COL23A1: variants seen among roughly 807,000 people sequenced by gnomAD.
COL23A1 encodes the protein collagen type XXIII alpha 1 chain, also known as collagen alpha-1(XXIII) chain.
Under a neutral mutation model 99.3 loss-of-function variants are expected in COL23A1, and 97 were observed. The ratio of observed to expected loss-of-function variants is 0.98; its 90% CI spans 0.83 to 1.16. The LOEUF (loss-of-function observed/expected upper bound fraction) is 1.16. Ranked by LOEUF, COL23A1 falls within the 50% of genes most tolerant of loss-of-function variation. COL23A1 has a pLI of 0.00. For synonymous variants in COL23A1, 320 were observed against 308.2 expected (o/e 1.04, Z -0.40); for missense variants, 762 against 757.4 (o/e 1.01, Z -0.07).
chr5:178,358,232 A>ATG (rs1276901748), intron 2 of COL23A1, among the ~76,000 whole-genome samples: 2 of 77,588 alleles, frequency 2.6e-5, no homozygotes, highest in South Asian at 6.7e-4. Context: ...TAATGTGTGT[A>ATG]TGTGTGTATG....
chr5:178,511,727 C>G (rs756985410), intron 2 of COL23A1, among the ~76,000 whole-genome samples: 29 of 152,170 alleles, frequency 1.9e-4, no homozygotes, highest in Non-Finnish European at 4.0e-4. Flanking sequence ...ACAGGACCCC[C>G]AAGCAGCTCC....
chr5:178,349,470 G>T (rs1201374718), intron 2 of COL23A1, among the ~76,000 whole-genome samples: 2 of 148,956 alleles, frequency 1.3e-5, no homozygotes, highest in Admixed American at 1.3e-4. Flanking sequence ...AAAGTGGCTG[G>T]TCCCCTCCGG....
intron 2 of COL23A1, among the ~76,000 whole-genome samples, chr5:178,525,859 G>A (rs1464408808): frequency 3.3e-5 from 5 of 152,380 alleles, no homozygotes; most frequent in East Asian, 1.9e-4. Flanking sequence ...GGCAAAGCAC[G>A]GCCTAGGCCA....
At position 178,585,527 on chromosome 5, in the gene COL23A1, A is replaced by G. The variant is rs76995460; in HGVS notation, c.294+4377T>C. 8.9e-3 allele frequency among the ~76,000 whole-genome samples: 349 copies of G among 39,096 alleles called. 8 individuals carry two copies. The highest frequency in any genetic ancestry group is 0.031 in the Middle Eastern group (4 of 128). 25.6% of individuals were successfully genotyped at this position (39,096 alleles called of 152,430 possible). On this transcript the variant is annotated intron_variant, in intron 1 of 28. Transcript: ENST00000390654. ...GAGTAACACTCCACGTCCCTGGATG[A>G]CGCTGGAGTAACACTCCACAGCCCT...
chr5:178,329,735 G>A (rs929969041), intron 2 of COL23A1, among the ~76,000 whole-genome samples: 7 of 152,152 alleles, frequency 4.6e-5, no homozygotes, highest in East Asian at 1.9e-4. Context: ...TCAGGAGTGC[G>A]AGACCAGCCT....
At chr5:178,374,726 G>A (rs903745770) in intron 2 of COL23A1, among the ~76,000 whole-genome samples, 1 of 152,198 alleles carries the variant, frequency 6.6e-6, no homozygotes, top group African/African-American at 2.4e-5. Context: ...AATAACAGGT[G>A]TTGGTGCAAC....
At chr5:178,440,774 C>T (rs1391452405) in intron 2 of COL23A1, among the ~76,000 whole-genome samples, 1 of 151,954 alleles carries the variant, frequency 6.6e-6, no homozygotes, top group Non-Finnish European at 1.5e-5. Context: ...CGCCACCATG[C>T]CCAGCTAATT....
chr5:178,574,597 G>A (rs1242700127), intron 1 of COL23A1, among the ~76,000 whole-genome samples: 1 of 152,122 alleles, frequency 6.6e-6, no homozygotes, highest in African/African-American at 2.4e-5. Context: ...CTCCTTGCAG[G>A]GAGACATTCA....
At chr5:178,257,386 C>T in intron 13 of COL23A1, 137 bp downstream of exon 13, 1 of 1,024,210 alleles carries the variant, frequency 9.8e-7, no homozygotes, top group Non-Finnish European at 1.5e-6. Context: ...CGGCCTTCCT[C>T]TGCCTCTCTC....
intron 2 of COL23A1, among the ~76,000 whole-genome samples, chr5:178,376,857 A>G (rs1291191446): frequency 6.6e-6 from 1 of 152,250 alleles, no homozygotes; most frequent in Non-Finnish European, 1.5e-5. Context: ...GCTTAGCAGG[A>G]CAGGAGTGAA....
At chr5:178,331,588 G>A (rs1425058397) in intron 2 of COL23A1, among the ~76,000 whole-genome samples, 2 of 152,234 alleles carry the variant, frequency 1.3e-5, no homozygotes, top group African/African-American at 4.8e-5. Context: ...CAGGGAGGGC[G>A]AGGCTCTGAG....
chr5:178,242,935 GC>G (rs1764486498), intron 25 of COL23A1, among the ~76,000 whole-genome samples: 1 of 152,192 alleles, frequency 6.6e-6, no homozygotes, highest in African/African-American at 2.4e-5. Flanking sequence ...GGTGGCTCAT[GC>G]CTGTAATCCC....
chr5:178,400,240 G>A (rs1035855753), intron 2 of COL23A1, among the ~76,000 whole-genome samples: 1 of 151,814 alleles, frequency 6.6e-6, no homozygotes, highest in East Asian at 1.9e-4. Context: ...GGTGGCGGGC[G>A]CCTGTAGCCA....
In COL23A1 at chr5:178,415,959, C is replaced by A. The variant is rs1442713960; in HGVS notation, c.362-109040G>T. Among the ~76,000 whole-genome samples, 1 of 151,988 alleles carries A rather than the reference C, an allele frequency of 6.6e-6. No homozygotes were observed. Among genetic ancestry groups the A allele is most frequent in the Admixed American group, 6.6e-5 (1 of 15,258 alleles). The stretch of plus-strand genomic sequence containing the variant: ...TTCAGGAGGTGAAGTCAGAGCTGGG[C>A]CCTGAAGGATGGGACCAGGGAGGGC... On this transcript the variant is annotated intron_variant, in intron 2 of 28. Coordinates refer to ENST00000390654, the MANE Select transcript of COL23A1 (RefSeq NM_173465.4). The surrounding 1 kb of genome is among the most constrained non-coding windows in gnomAD (Gnocchi z 4.6).
intron 2 of COL23A1, among the ~76,000 whole-genome samples, chr5:178,506,902 C>A (rs910549103): frequency 1.7e-4 from 26 of 152,182 alleles, no homozygotes; most frequent in African/African-American, 6.3e-4. Flanking sequence ...TCACTTGAAA[C>A]AATTCTCTGT....
At chr5:178,405,611 T>A (rs1053633209) in intron 2 of COL23A1, among the ~76,000 whole-genome samples, 4 of 152,068 alleles carry the variant, frequency 2.6e-5, no homozygotes, top group Admixed American at 6.6e-5. Flanking sequence ...CCCATTAAAG[T>A]CAGGAACAAC....
chr5:178,515,611 C>A (rs951391932), intron 2 of COL23A1, among the ~76,000 whole-genome samples: 53 of 152,134 alleles, frequency 3.5e-4, no homozygotes, highest in African/African-American at 1.2e-3. Context: ...GGCCTTTGGG[C>A]AACCTTCTCA....
intron 2 of COL23A1, among the ~76,000 whole-genome samples, chr5:178,358,644 GTGTA>G (rs1162277198): frequency 3.4e-5 from 5 of 146,750 alleles, no homozygotes; most frequent in Admixed American, 2.0e-4. Flanking sequence ...TAGTGTGTGT[GTGTA>G]TGTGTACGTG....
intron 2 of COL23A1, among the ~76,000 whole-genome samples, chr5:178,373,376 G>A (rs915367366): frequency 2.6e-5 from 4 of 152,132 alleles, no homozygotes; most frequent in East Asian, 1.9e-4. Flanking sequence ...CAGCCCAGGC[G>A]CGAACCTCCA....
Sources: gnomAD v4.1 joint callset for allele counts (sites outside exome capture counted in the v4.1 genomes callset) on GRCh38, gnomAD v4.1.1 for gene constraint, Gnocchi (gnomAD v3.1) non-coding constraint, MANE v1.5 for transcripts, NCBI Gene and HGNC (gene_info 2026-07-23, HGNC 2026-07-21) for gene names.